DOK5: variants seen among roughly 807,000 people sequenced by gnomAD.
DOK5 encodes docking protein 5.
A neutral mutation model predicts 43.3 loss-of-function variants in DOK5; 27 were observed. That is an observed-to-expected ratio of 0.62 (90% CI 0.46 to 0.86). The LOEUF (loss-of-function observed/expected upper bound fraction) is 0.86. Ranked by LOEUF, DOK5 falls within the 40% of genes least tolerant of loss-of-function variation. DOK5 has a pLI of 0.00. For synonymous variants in DOK5, 146 were observed against 140.1 expected (o/e 1.04, Z -0.30); for missense variants, 373 against 392.9 (o/e 0.95, Z 0.43).
At chr20:54,485,410 G>C (rs1289894872) in intron 1 of DOK5, among the ~76,000 whole-genome samples, 2 of 152,176 alleles carry the variant, frequency 1.3e-5, no homozygotes, top group African/African-American at 4.8e-5. Flanking sequence ...GTAATGTTTG[G>C]GGATTGGCTT....
chr20:54,573,578 T>C (rs1186925892), intron 2 of DOK5, among the ~76,000 whole-genome samples: 1 of 150,560 alleles, frequency 6.6e-6, no homozygotes, highest in Non-Finnish European at 1.5e-5. Flanking sequence ...TCCCAGCTAC[T>C]TGGGAGGCTG....
At chr20:54,613,004 C>A (rs1365610810) in intron 6 of DOK5, among the ~76,000 whole-genome samples, 1 of 152,164 alleles carries the variant, frequency 6.6e-6, no homozygotes, top group Non-Finnish European at 1.5e-5. Flanking sequence ...ATGTTCAGCC[C>A]AGAGCTCATT....
intron 1 of DOK5, among the ~76,000 whole-genome samples, chr20:54,538,843 A>G (rs1470709750): frequency 2.0e-5 from 3 of 152,234 alleles, no homozygotes; most frequent in Admixed American, 6.5e-5. Context: ...AAATGGGTAA[A>G]CAAACTGTGT....
chr20:54,607,195 C>T (rs1039552085), intron 5 of DOK5, among the ~76,000 whole-genome samples: 5 of 152,188 alleles, frequency 3.3e-5, no homozygotes, highest in Non-Finnish European at 7.3e-5. Flanking sequence ...GTACCTTGGA[C>T]GCGTATTTCC....
intron 5 of DOK5, among the ~76,000 whole-genome samples, chr20:54,593,959 A>G (rs1986055931): frequency 6.6e-6 from 1 of 152,172 alleles, no homozygotes; most frequent in African/African-American, 2.4e-5. Flanking sequence ...ACATATGGAT[A>G]CATAGAAGGG....
At chr20:54,630,594 T>C (rs771856638) in intron 6 of DOK5, among the ~76,000 whole-genome samples, 10 of 152,354 alleles carry the variant, frequency 6.6e-5, no homozygotes, top group Admixed American at 1.3e-4. Context: ...TAAACCCGCC[T>C]GAATGACAAG....
chr20:54,548,851 A>T (rs962012405), intron 1 of DOK5, among the ~76,000 whole-genome samples: 2 of 152,214 alleles, frequency 1.3e-5, no homozygotes, highest in African/African-American at 4.8e-5. Flanking sequence ...TTTGCTAAAC[A>T]ATACTGAGAT....
intron 1 of DOK5, among the ~76,000 whole-genome samples, chr20:54,507,014 T>A (rs1982831432): frequency 6.6e-6 from 1 of 152,216 alleles, no homozygotes; most frequent in Non-Finnish European, 1.5e-5. Context: ...GAACATCAAC[T>A]TTATTTGGAT....
At chr20:54,635,329 G>C (rs116760696) in intron 6 of DOK5, among the ~76,000 whole-genome samples, 2,780 of 152,196 alleles carry the variant, frequency 0.018, 99 homozygotes, top group African/African-American at 0.064. Flanking sequence ...CCCTTTTCAG[G>C]TGTTTTCTCT....
chr20:54,628,976 G>A (rs1032822840), intron 6 of DOK5, among the ~76,000 whole-genome samples: 1 of 152,020 alleles, frequency 6.6e-6, no homozygotes, highest in Admixed American at 6.5e-5. Flanking sequence ...AGAAATGCAG[G>A]GAACATTTTA....
At chr20:54,584,882 G>A (rs954997824) in intron 2 of DOK5, among the ~76,000 whole-genome samples, 1 of 151,548 alleles carries the variant, frequency 6.6e-6, no homozygotes, top group Non-Finnish European at 1.5e-5. Context: ...ACTTCCTTTA[G>A]CATTTCTTAT....
intron 1 of DOK5, among the ~76,000 whole-genome samples, chr20:54,482,823 A>G (rs137855342): frequency 1.9e-4 from 29 of 152,292 alleles, no homozygotes; most frequent in Admixed American, 1.2e-3. Flanking sequence ...TTATTTAAGT[A>G]TATGTATGCA....
At chr20:54,584,784 C>A (rs1424164845) in intron 2 of DOK5, among the ~76,000 whole-genome samples, 1 of 150,764 alleles carries the variant, frequency 6.6e-6, no homozygotes, top group African/African-American at 2.4e-5. Flanking sequence ...TACACACACA[C>A]ACACACACAC....
intron 6 of DOK5, among the ~76,000 whole-genome samples, chr20:54,640,403 CAG>C (rs1979052758): frequency 6.6e-6 from 1 of 152,174 alleles, no homozygotes. Context: ...TAGAGGGACT[CAG>C]GGCGTCACAG....
At chr20:54,480,063 A>G (rs930342923) in intron 1 of DOK5, among the ~76,000 whole-genome samples, 7 of 151,630 alleles carry the variant, frequency 4.6e-5, no homozygotes, top group African/African-American at 2.4e-5. Flanking sequence ...TCCTGCCTAC[A>G]CTCTTGCTCC....
intron 4 of DOK5, 128 bp downstream of exon 4, chr20:54,588,934 T>C (rs1347389740): frequency 4.2e-6 from 4 of 955,496 alleles, no homozygotes; most frequent in Non-Finnish European, 6.0e-6. Context: ...AGTAATCTTT[T>C]ATCTAATCCA....
chr20:54,480,192 G>A (rs964207275), intron 1 of DOK5, among the ~76,000 whole-genome samples: 32 of 152,206 alleles, frequency 2.1e-4, no homozygotes, highest in Non-Finnish European at 8.8e-5. Flanking sequence ...TTGAATAGGA[G>A]CTGGGTAAAA....
intron 1 of DOK5, among the ~76,000 whole-genome samples, chr20:54,477,475 G>C (rs1245642348): frequency 1.3e-5 from 2 of 152,146 alleles, no homozygotes; most frequent in South Asian, 2.1e-4. Flanking sequence ...CTCTGCCAAA[G>C]TTTCCTTGGT....
intron 2 of DOK5, among the ~76,000 whole-genome samples, chr20:54,567,069 G>A (rs573276809): frequency 1.8e-4 from 27 of 151,876 alleles, no homozygotes; most frequent in African/African-American, 3.1e-4. Flanking sequence ...GTGTGTGTGC[G>A]TGTATGTGTG....
Sources: gnomAD v4.1 joint callset for allele counts (sites outside exome capture counted in the v4.1 genomes callset) on GRCh38, gnomAD v4.1.1 for gene constraint, MANE v1.5 for transcripts, NCBI Gene and HGNC (gene_info 2026-07-23, HGNC 2026-07-21) for gene names.